Variants in DMD observed in about 807,000 individuals in gnomAD.
DMD encodes dystrophin, also known as mutant dystrophin.
Under a neutral mutation model 330.1 loss-of-function variants are expected in DMD, and 63 were observed. That is an observed-to-expected ratio of 0.19 (90% CI 0.16 to 0.24). The LOEUF (loss-of-function observed/expected upper bound fraction) is 0.24. Among genes scored for constraint, DMD ranks in the 10% least tolerant of loss-of-function variants. The pLI is 1.00. For synonymous variants in DMD, 1,223 were observed against 959.8 expected (o/e 1.27, Z -5.07); for missense variants, 3,344 against 2,684.1 (o/e 1.25, Z -5.43).
At chrX:33,269,695 T>C (rs188977568) in intron 1 of DMD, among the ~76,000 whole-genome samples, 1 of 111,599 alleles carries the variant, frequency 9.0e-6, no homozygotes, top group Non-Finnish European at 1.9e-5. Flanking sequence ...ATTGGGGTGA[T>C]ATAATACAAT....
intron 9 of DMD, among the ~76,000 whole-genome samples, chrX:32,681,263 G>A (rs945645814): frequency 9.0e-6 from 1 of 111,333 alleles, no homozygotes; most frequent in East Asian, 2.8e-4. Flanking sequence ...AGTACGAGTC[G>A]ATGGACCATT....
chrX:33,202,296 G>T (rs2051320205), intron 1 of DMD, among the ~76,000 whole-genome samples: 1 of 111,531 alleles, frequency 9.0e-6, no homozygotes, highest in Admixed American at 9.6e-5. Context: ...TAATCCTACT[G>T]TCATGCTGCC....
chrX:32,027,164 GCA>G lies in DMD; in HGVS notation c.6439-58652_6439-58651del, dbSNP rs757441503. Among the ~76,000 whole-genome samples, 27 of 89,506 alleles carry G rather than the reference GCA, an allele frequency of 3.0e-4. No individual in the cohort carries two copies. In the South Asian group the frequency reaches 5.8e-3, roughly 19 times the overall value. The allele number at this position is 89,506 out of a possible 115,157, so 77.7% of individuals were successfully genotyped here. On this transcript the variant is annotated intron_variant, in intron 44 of 78. Transcript: ENST00000357033. ...TTATGACACACACACACACGCACGT[GCA>G]CACACACACACACACACAGAGAGAG...
intron 47 of DMD, among the ~76,000 whole-genome samples, chrX:31,899,440 C>A (rs1008077379): frequency 1.8e-5 from 2 of 109,382 alleles, no homozygotes; most frequent in African/African-American, 6.7e-5. Flanking sequence ...GGAGAAATCT[C>A]ATTCGTAAGA....
chrX:32,679,185 T>G (rs181824501), intron 9 of DMD, among the ~76,000 whole-genome samples: 79 of 112,406 alleles, frequency 7.0e-4, no homozygotes, highest in African/African-American at 2.4e-3. Context: ...GAGCCTTTTG[T>G]ATTTCTACAG....
intron 36 of DMD, among the ~76,000 whole-genome samples, chrX:32,363,668 A>T (rs1449422688): frequency 8.9e-6 from 1 of 112,112 alleles, no homozygotes; most frequent in Non-Finnish European, 1.9e-5. Flanking sequence ...AGCTTCAGAC[A>T]ATGGCATAAA....
chrX:32,380,065 C>A (rs1158700371), intron 34 of DMD, among the ~76,000 whole-genome samples: 1 of 111,487 alleles, frequency 9.0e-6, no homozygotes, highest in Non-Finnish European at 1.9e-5. Flanking sequence ...ATAGCCCCTG[C>A]ATAGACACCT....
At chrX:33,004,611 T>G (rs1306521340) in intron 2 of DMD, among the ~76,000 whole-genome samples, 1 of 111,746 alleles carries the variant, frequency 8.9e-6, no homozygotes, top group African/African-American at 3.2e-5. Context: ...TTCTGGTTAT[T>G]TTTACTTGTG....
At chrX:33,092,435 A>G (rs2095097829) in intron 1 of DMD, among the ~76,000 whole-genome samples, 1 of 111,956 alleles carries the variant, frequency 8.9e-6, no homozygotes, top group African/African-American at 3.2e-5. Context: ...GTCTATATAC[A>G]CTAAAGTCAT....
intron 50 of DMD, among the ~76,000 whole-genome samples, chrX:31,805,797 T>A (rs1218490354): frequency 8.9e-6 from 1 of 112,240 alleles, no homozygotes; most frequent in Admixed American, 9.5e-5. Context: ...TAAGAAATAT[T>A]TTTTCCCCTG....
At position 31,171,315 on chromosome X, in the gene DMD, A is replaced by G. The variant is rs192488035; in HGVS notation, c.10394+1033T>C. Among the ~76,000 whole-genome samples the G allele has an allele frequency of 2.2e-3, 244 of 111,705 alleles. 1 individual carries two copies. The highest frequency in any genetic ancestry group is 0.014 in the Middle Eastern group (3 of 215). ...GAGATTATTTATTCTCATGTCTTCA[A>G]TAACTAGTTATATATATGCCACTTT... On this transcript the variant is annotated intron_variant, in intron 73 of 78. Coordinates refer to ENST00000357033, the MANE Select transcript of DMD (RefSeq NM_004006.3).
At chrX:32,819,524 T>C (rs753417533) in intron 5 of DMD, among the ~76,000 whole-genome samples, 11 of 112,062 alleles carry the variant, frequency 9.8e-5, no homozygotes, top group African/African-American at 3.6e-4. Flanking sequence ...TTTGCAATTT[T>C]GTTCAAACCT....
At chrX:32,129,728 GGAGA>G (rs775873181) in intron 44 of DMD, among the ~76,000 whole-genome samples, 14 of 21,422 alleles carry the variant, frequency 6.5e-4, no homozygotes, top group East Asian at 0.017. Context: ...AGAGAGGGAG[GGAGA>G]GAGAGAGAGA....
At chrX:32,506,138 G>A (rs2044592433) in intron 18 of DMD, among the ~76,000 whole-genome samples, 1 of 111,645 alleles carries the variant, frequency 9.0e-6, no homozygotes, top group Non-Finnish European at 1.9e-5. Flanking sequence ...CAGAATGTGT[G>A]GCACCAATAG....
At chrX:32,097,988 C>A (rs911725406) in intron 44 of DMD, among the ~76,000 whole-genome samples, 1 of 110,786 alleles carries the variant, frequency 9.0e-6, no homozygotes, top group Non-Finnish European at 1.9e-5. Context: ...TTGGGGCAAC[C>A]AGATAAACAC....
At chrX:31,776,089 C>T (rs1160915868) in intron 50 of DMD, among the ~76,000 whole-genome samples, 2 of 111,485 alleles carry the variant, frequency 1.8e-5, no homozygotes, top group Non-Finnish European at 3.8e-5. Context: ...GAGAAGAAAT[C>T]ATGGAAGCAA....
chrX:31,245,629 G>A lies in DMD; in HGVS notation c.9286+15326C>T, dbSNP rs191174490. Among the ~76,000 whole-genome samples, 13 of 111,773 alleles carry A rather than the reference G, an allele frequency of 1.2e-4. No homozygotes were observed. The East Asian group carries it at 3.1e-3, about 26-fold the overall frequency. On this transcript the variant is annotated intron_variant, in intron 63 of 78. Coordinates refer to ENST00000357033, the MANE Select transcript of DMD (RefSeq NM_004006.3). ...TGTGCTCACTTTGGGTCTGTGTCTC[G>A]TTTTGAAAATTCCCTCAATATTTCA...
chrX:31,386,510 T>G (rs1378209339), intron 60 of DMD, among the ~76,000 whole-genome samples: 1 of 112,233 alleles, frequency 8.9e-6, no homozygotes, highest in African/African-American at 3.2e-5. Flanking sequence ...TATTATGTAA[T>G]CATAGCACTT....
chrX:31,173,427 A>C, intron 72 of DMD, 112 bp downstream of exon 72: 1 of 887,112 alleles, frequency 1.1e-6, no homozygotes, highest in Non-Finnish European at 1.6e-6. Flanking sequence ...ATTAGTAGGA[A>C]TCAGACAAGT....
Sources: allele counts gnomAD v4.1 joint callset (sites outside exome capture counted in the v4.1 genomes callset), GRCh38; gene constraint gnomAD v4.1.1; transcripts MANE v1.5; gene names NCBI Gene and HGNC (gene_info 2026-07-23, HGNC 2026-07-21).